Variants in PRH1 observed in about 807,000 individuals in gnomAD.
PRH1 encodes proline rich protein HaeIII subfamily 1, also known as salivary acidic proline-rich phosphoprotein 1/2.
A neutral mutation model predicts 7.9 loss-of-function variants in PRH1; 7 were observed. The observed-to-expected ratio is 0.89, with a 90% CI of 0.50 to 1.67. The LOEUF (loss-of-function observed/expected upper bound fraction) is 1.67. Ranked by LOEUF, PRH1 falls within the 40% of genes most tolerant of loss-of-function variation. The probability of loss-of-function intolerance (pLI) is 0.00; values close to 1 mark genes in which losing one functional copy is unlikely to be tolerated. For synonymous variants in PRH1, 45 were observed against 80.8 expected, an observed-to-expected ratio of 0.56 and a Z score of 2.38; for missense variants, 109 against 223.6, an observed-to-expected ratio of 0.49 and a Z score of 3.27.
chr12:10,923,018 C>T (rs1371717114), intron 2 of PRH1, among the ~76,000 whole-genome samples: 2 of 149,706 alleles, frequency 1.3e-5, no homozygotes. Flanking sequence ...TTAGTAGAAA[C>T]GGGGTTTCAC....
chr12:11,089,191 A>G (rs2136251383), intron 1 of PRH1, among the ~76,000 whole-genome samples: 1 of 115,508 alleles, frequency 8.7e-6, no homozygotes, highest in East Asian at 2.1e-4. Flanking sequence ...TCATCATTCC[A>G]TTTGGGACTT....
chr12:10,906,553 C>T (rs1426797506), intron 2 of PRH1, among the ~76,000 whole-genome samples: 1 of 152,134 alleles, frequency 6.6e-6, no homozygotes, highest in African/African-American at 2.4e-5. Context: ...CCCATAATTC[C>T]CATGTGTTAT....
At chr12:10,968,468 A>G (rs7134390) in intron 2 of PRH1, among the ~76,000 whole-genome samples, 37,095 of 152,200 alleles carry the variant, frequency 0.24, 4,570 homozygotes, top group Non-Finnish European at 0.25. Flanking sequence ...GTAGACTGCT[A>G]GCTAATAAAT....
intron 1 of PRH1, chr12:11,133,569 T>C (rs915148979): frequency 1.2e-6 from 2 of 1,614,112 alleles, no homozygotes; most frequent in African/African-American, 2.7e-5. Context: ...TGCAAAGCTT[T>C]TATGTGGACC....
At chr12:10,931,264 G>A (rs1950208807) in intron 2 of PRH1, 1 of 1,295,482 alleles carries the variant, frequency 7.7e-7, no homozygotes, top group African/African-American at 1.5e-5. Flanking sequence ...TCTCTTGAAG[G>A]CAATTCCAAT....
Position 10,958,357 on chromosome 12 carries a change from G to A in PRH1, c.-59+15298C>T, listed in dbSNP as rs1436109565. Among the ~76,000 whole-genome samples, 2 of 152,078 alleles carry A rather than the reference G, an allele frequency of 1.3e-5. 1 individual carries two copies. On this transcript the variant is annotated intron_variant, in intron 2 of 3. Transcript: ENST00000539853. ...CTTATAAGTGGGTGCTAAACATTGAGTACAGATGGACACAAAGAAGGGAAC... is the reference window on the plus strand; with the variant it reads ...CTTATAAGTGGGTGCTAAACATTGAATACAGATGGACACAAAGAAGGGAAC...
chr12:11,092,642 C>T (rs1384034425), intron 1 of PRH1, among the ~76,000 whole-genome samples: 1 of 114,434 alleles, frequency 8.7e-6, no homozygotes, highest in Non-Finnish European at 2.1e-5. Flanking sequence ...CTACAGAGCG[C>T]TGATTGCTGT....
intron 2 of PRH1, among the ~76,000 whole-genome samples, chr12:10,967,033 T>A (rs1186890711): frequency 1.4e-5 from 2 of 146,850 alleles, no homozygotes; most frequent in Non-Finnish European, 3.0e-5. Flanking sequence ...GAGAATGGTG[T>A]GAACCCCGGA....
chr12:11,011,883 T>C (rs7304936), intron 1 of PRH1, among the ~76,000 whole-genome samples: 1 of 151,970 alleles, frequency 6.6e-6, no homozygotes, highest in Non-Finnish European at 1.5e-5. Flanking sequence ...GGAGGAATTA[T>C]TGTCCTGTAA....
chr12:11,072,340 A>C (rs1353224315), intron 1 of PRH1, among the ~76,000 whole-genome samples: 1 of 152,052 alleles, frequency 6.6e-6, no homozygotes, highest in African/African-American at 2.4e-5. Flanking sequence ...ACTCATGTAC[A>C]TCCCAAGGTG....
rs754758581 is a variant in PRH1 at position 11,025,081 on chromosome 12, C to T, written c.-126+21939G>A. Among the ~76,000 whole-genome samples the T allele has an allele frequency of 5.5e-4, 82 of 150,012 alleles. 2 individuals carry two copies. Among genetic ancestry groups the T allele is most frequent in the African/African-American group, 1.7e-3 (71 of 40,712 alleles). On this transcript the variant is annotated intron_variant, in intron 1 of 3. Coordinates refer to the PRH1 transcript ENST00000539853. Reference sequence around the variant, plus strand: ...TCACCCAGGCTGGAGTGCAGTGGCACGATCTCTGCTCACTGAAAGCTCCGC... The same window carrying T: ...TCACCCAGGCTGGAGTGCAGTGGCATGATCTCTGCTCACTGAAAGCTCCGC...
chr12:11,103,342 T>C (rs1436989218), intron 1 of PRH1, among the ~76,000 whole-genome samples: 1 of 152,142 alleles, frequency 6.6e-6, no homozygotes, highest in Non-Finnish European at 1.5e-5. Context: ...ATATACACCA[T>C]GGAATACTAT....
chr12:11,062,336 TA>T (rs1565610557), intron 1 of PRH1: 2 of 1,542,760 alleles, frequency 1.3e-6, no homozygotes, highest in Admixed American at 4.1e-5. Context: ...GCTGGTGTAA[TA>T]TCACTGGTTG....
rs540892568 is a variant in PRH1, at chr12:10,892,662, A to G, written c.-58-8387T>C. ...AAAAGAAGTAAAATCTAAAATTGTT[A>G]TGGAGGTAAATAGAAGACTGCCATA... On this transcript the variant is annotated intron_variant, in intron 2 of 3. Coordinates refer to the PRH1 transcript ENST00000539853. Among the ~76,000 whole-genome samples the G allele has an allele frequency of 1.2e-4, 19 of 152,326 alleles. No individual in the cohort carries two copies. In the East Asian group the frequency reaches 3.7e-3, roughly 29 times the overall value.
chr12:10,986,047 G>C (rs1430637805), intron 1 of PRH1: 3 of 1,614,036 alleles, frequency 1.9e-6, no homozygotes, highest in Non-Finnish European at 2.5e-6. Flanking sequence ...TCGAATGCAA[G>C]ATATATGTTT....
At chr12:11,000,090 TTCAAATTA>T (rs1940510714) in intron 1 of PRH1, among the ~76,000 whole-genome samples, 1 of 152,262 alleles carries the variant, frequency 6.6e-6, no homozygotes, top group African/African-American at 2.4e-5. Flanking sequence ...AAATGTGGTG[TTCAAATTA>T]TCCTCACAGA....
intron 2 of PRH1, among the ~76,000 whole-genome samples, chr12:10,914,925 G>C (rs7398041): frequency 2.0e-5 from 3 of 152,006 alleles, no homozygotes; most frequent in Admixed American, 1.3e-4. Context: ...TCAGGAGATC[G>C]AGACCACCCT....
intron 1 of PRH1, among the ~76,000 whole-genome samples, chr12:11,110,143 A>AAAG (rs1234309492): frequency 2.0e-5 from 3 of 152,224 alleles, no homozygotes; most frequent in Non-Finnish European, 4.4e-5. Context: ...AGGAACAAAC[A>AAAG]AAGCCTCAAG....
At chr12:10,948,969 T>A (rs180854404) in intron 2 of PRH1, among the ~76,000 whole-genome samples, 84 of 152,256 alleles carry the variant, frequency 5.5e-4, no homozygotes, top group Admixed American at 4.5e-3. Flanking sequence ...GTTGCTCAAT[T>A]ATATGTTTCC....
Sources: gnomAD v4.1 joint callset for allele counts (sites outside exome capture counted in the v4.1 genomes callset) on GRCh38, gnomAD v4.1.1 for gene constraint, MANE v1.5 for transcripts, NCBI Gene and HGNC (gene_info 2026-07-23, HGNC 2026-07-21) for gene names.